The following TMEM39A variants were observed in gnomAD, a reference collection of about 807,000 sequenced individuals.
The protein encoded by TMEM39A is suppressor of SQST-1 aggregates in rpl-43 mutants.
In TMEM39A, 19 loss-of-function variants were observed where a neutral mutation model predicts 51.9. The observed-to-expected ratio is 0.37, with a 90% CI of 0.26 to 0.54. The LOEUF is 0.54. TMEM39A is among the 20% of genes least tolerant of loss of function. The probability of loss-of-function intolerance (pLI) is 0.88; values close to 1 mark genes in which losing one functional copy is unlikely to be tolerated. For synonymous variants in TMEM39A, 197 were observed against 220.2 expected (o/e 0.89, Z 0.93); for missense variants, 433 against 590.5 (o/e 0.73, Z 2.76).
intron 2 of TMEM39A, among the ~76,000 whole-genome samples, chr3:119,459,020 G>A (rs951816498): frequency 2.6e-5 from 4 of 152,216 alleles, no homozygotes; most frequent in African/African-American, 9.6e-5. Context: ...AAGCTCATTA[G>A]AGACTTGATG....
intron 1 of TMEM39A, among the ~76,000 whole-genome samples, chr3:119,462,765 G>T (rs1168178660): frequency 6.6e-6 from 1 of 150,936 alleles, no homozygotes; most frequent in Non-Finnish European, 1.5e-5. Flanking sequence ...ATCTCTATAT[G>T]TTAGGGTTAA....
At chr3:119,444,221 G>C (rs968954421) in intron 5 of TMEM39A, among the ~76,000 whole-genome samples, 5 of 152,002 alleles carry the variant, frequency 3.3e-5, no homozygotes, top group African/African-American at 4.8e-5. Flanking sequence ...TCTTAAACTT[G>C]GCCAAAATAT....
In TMEM39A at chr3:119,431,064, T is replaced by C. The variant is rs960414572; in HGVS notation, c.*917A>G. ...AGTACAAAGCTGTAGGTAATTCTTA[T>C]CTTTCACTTCCCCTCATAACTCCAA... On this transcript the variant is annotated 3_prime_UTR_variant, in exon 9 of 9. Coordinates refer to ENST00000319172, the MANE Select transcript of TMEM39A (RefSeq NM_018266.3). 2.6e-5 allele frequency: 4 copies of C among 152,152 alleles called. No individual in the cohort carries two copies. The highest frequency in any genetic ancestry group is 5.9e-5 in the Non-Finnish European group (4 of 67,992). The allele number at this position is 152,152 out of a possible 1,614,324, so 9.4% of individuals were successfully genotyped here.
intron 3 of TMEM39A, among the ~76,000 whole-genome samples, chr3:119,456,557 T>C (rs1045328228): frequency 3.9e-5 from 6 of 152,226 alleles, no homozygotes; most frequent in African/African-American, 1.4e-4. Context: ...CAAACACATA[T>C]ATAAGACAAT....
Position 119,437,887 on chromosome 3 carries a change from G to A in TMEM39A, c.792C>T (p.Pro264=). The A allele has an allele frequency of 6.2e-7, 1 of 1,613,584 alleles. No individual in the cohort carries two copies. Among genetic ancestry groups the A allele is most frequent in the Non-Finnish European group, 8.5e-7 (1 of 1,179,562 alleles). ...NATPIPTHSC[P]LSPDLIRNEV... Reference sequence around the variant, plus strand: ...CATTGCGAATGAGGTCTGGAGATAGGGGACAACTGTGGGTGGGGATGGGTG... The same window carrying A: ...CATTGCGAATGAGGTCTGGAGATAGAGGACAACTGTGGGTGGGGATGGGTG... Residue 264 remains proline, a synonymous_variant, in exon 6 of 9, where the codon CCC becomes CCT. Transcript: ENST00000319172.
At position 119,446,945 on chromosome 3, in the gene TMEM39A, T is replaced by TA. The variant is rs1159981229; in HGVS notation, c.575+72dup. 5 of 1,485,704 alleles carry TA rather than the reference T, an allele frequency of 3.4e-6. No individual in the cohort carries two copies. The African/African-American group carries it at 5.7e-5, about 17-fold the overall frequency. 92.0% of individuals were successfully genotyped at this position (1,485,704 alleles called of 1,614,324 possible). ...TTTGAAGAATTTCATTTTTCACTCT[T>TA]AAAAGTATCGTTTACGTGACCGAAA... On this transcript the variant is annotated intron_variant, in intron 5 of 8. Coordinates refer to ENST00000319172, the MANE Select transcript of TMEM39A (RefSeq NM_018266.3).
chr3:119,435,668 T>G, intron 7 of TMEM39A: 1 of 972,238 alleles, frequency 1.0e-6, no homozygotes, highest in Non-Finnish European at 1.2e-6. Context: ...GCAGTTTAGA[T>G]ATGTTATTAA....
At chr3:119,442,634 G>T (rs1330569978) in intron 5 of TMEM39A, among the ~76,000 whole-genome samples, 1 of 152,204 alleles carries the variant, frequency 6.6e-6, no homozygotes, top group Non-Finnish European at 1.5e-5. Context: ...TATGAGAGGA[G>T]GTCAAAATAT....
At chr3:119,458,809 C>T (rs1433142763) in intron 2 of TMEM39A, among the ~76,000 whole-genome samples, 1 of 152,230 alleles carries the variant, frequency 6.6e-6, no homozygotes, top group Non-Finnish European at 1.5e-5. Flanking sequence ...GCAGGAGAAT[C>T]GCTTGAACTT....
At chr3:119,449,629 A>G (rs2081172988) in intron 4 of TMEM39A, among the ~76,000 whole-genome samples, 1 of 151,482 alleles carries the variant, frequency 6.6e-6, no homozygotes, top group Non-Finnish European at 1.5e-5. Flanking sequence ...TCTGCCCCCC[A>G]CCCCCCAAAA....
chr3:119,433,520 T>C (rs1314635100), intron 8 of TMEM39A, among the ~76,000 whole-genome samples: 4 of 152,146 alleles, frequency 2.6e-5, no homozygotes, highest in Admixed American at 6.6e-5. Flanking sequence ...CTTTTTTCCA[T>C]AGATTCCACC....
intron 5 of TMEM39A, among the ~76,000 whole-genome samples, chr3:119,441,699 A>G (rs578028665): frequency 5.3e-5 from 8 of 152,372 alleles, no homozygotes; most frequent in African/African-American, 1.9e-4. Flanking sequence ...GAAGGTGACT[A>G]AACTAACAGA....
intron 3 of TMEM39A, among the ~76,000 whole-genome samples, chr3:119,453,424 G>C (rs558061310): frequency 1.3e-5 from 2 of 152,252 alleles, no homozygotes; most frequent in South Asian, 4.1e-4. Context: ...ATTACTATTC[G>C]TTCCTTCTGC....
intron 2 of TMEM39A, among the ~76,000 whole-genome samples, chr3:119,460,344 G>A (rs1166087584): frequency 2.0e-5 from 3 of 152,138 alleles, no homozygotes; most frequent in Middle Eastern, 3.4e-3. Context: ...GGTATTTTCC[G>A]AACGTTCCTA....
At position 119,432,087 on chromosome 3, in the gene TMEM39A, A is replaced by G. The variant is rs2080908940; in HGVS notation, c.1361T>C (p.Ile454Thr). 6.2e-7 allele frequency: 1 copy of G among 1,613,200 alleles called. No individual in the cohort carries two copies. The highest frequency in any genetic ancestry group is 8.5e-7 in the Non-Finnish European group (1 of 1,179,504). The change falls in exon 9 of 9, where the codon ATC (isoleucine) becomes ACC (threonine). Residue 454 changes from isoleucine (I) to threonine (T), a missense_variant. This residue lies in a region of TMEM39A where 223 missense variants were observed against 328.1 expected (regional missense o/e 0.68). Transcript: ENST00000319172. The stretch of plus-strand genomic sequence containing the variant: ...TAAAACATAGTAGTTGCAGAAGAGG[A>G]TGAGAGCCATGGAAAGTGTGTGGTT... The part of the protein sequence containing the change: ...KWNHTLSMAL[I>T]LFCNYYVLFK...
intron 5 of TMEM39A, among the ~76,000 whole-genome samples, chr3:119,442,019 T>G (rs1263644587): frequency 6.6e-6 from 1 of 152,210 alleles, no homozygotes; most frequent in Non-Finnish European, 1.5e-5. Flanking sequence ...CTGTTGAACC[T>G]ACGGTTTAGA....
intron 5 of TMEM39A, among the ~76,000 whole-genome samples, chr3:119,443,636 C>T (rs973671564): frequency 6.6e-6 from 1 of 152,136 alleles, no homozygotes; most frequent in African/African-American, 2.4e-5. Flanking sequence ...TAGTATAAGG[C>T]TGGGCATGGT....
At chr3:119,448,445 C>T (rs915250533) in intron 4 of TMEM39A, among the ~76,000 whole-genome samples, 2 of 152,042 alleles carry the variant, frequency 1.3e-5, no homozygotes, top group African/African-American at 2.4e-5. Context: ...CCTATATATC[C>T]GTTTCTTAGT....
At chr3:119,441,911 G>T (rs913103180) in intron 5 of TMEM39A, among the ~76,000 whole-genome samples, 2 of 152,174 alleles carry the variant, frequency 1.3e-5, no homozygotes, top group Non-Finnish European at 1.5e-5. Flanking sequence ...CCATCCTTAA[G>T]AATTATGCAA....
Sources: allele counts gnomAD v4.1 joint callset (sites outside exome capture counted in the v4.1 genomes callset), GRCh38; gene constraint gnomAD v4.1.1; regional missense constraint gnomAD v4.1.1; transcripts MANE v1.5; gene names NCBI Gene and HGNC (gene_info 2026-07-23, HGNC 2026-07-21).